Variants in OPCML observed in about 807,000 individuals in gnomAD.
OPCML encodes the protein opioid binding protein/cell adhesion molecule like.
OPCML carries 13 observed loss-of-function variants against 37.8 expected under a neutral mutation model. The observed-to-expected ratio is 0.34, with a 90% CI of 0.22 to 0.55. OPCML has a LOEUF of 0.55. Among genes scored for constraint, OPCML ranks in the 20% least tolerant of loss-of-function variants. The pLI is 0.91. For synonymous variants in OPCML, 176 were observed against 168.8 expected (o/e 1.04, Z -0.33); for missense variants, 341 against 435.6 (o/e 0.78, Z 1.93).
intron 2 of OPCML, among the ~76,000 whole-genome samples, chr11:132,823,062 T>C (rs921928167): frequency 1.3e-5 from 2 of 152,244 alleles, no homozygotes; most frequent in Admixed American, 6.5e-5. Flanking sequence ...TATTTCTTCA[T>C]AGATTATATT....
chr11:133,194,016 A>G (rs1178216455), intron 1 of OPCML, among the ~76,000 whole-genome samples: 1 of 152,178 alleles, frequency 6.6e-6, no homozygotes, highest in African/African-American at 2.4e-5. Flanking sequence ...GGATTCAGCA[A>G]CAGGCTCTGT....
At chr11:132,809,368 G>T (rs570226927) in intron 2 of OPCML, among the ~76,000 whole-genome samples, 1 of 152,226 alleles carries the variant, frequency 6.6e-6, no homozygotes, top group Admixed American at 6.5e-5. Flanking sequence ...ATACTCCAGG[G>T]CTGACTTAGG....
intron 1 of OPCML, among the ~76,000 whole-genome samples, chr11:133,291,146 C>G (rs920981641): frequency 6.6e-6 from 1 of 152,236 alleles, no homozygotes; most frequent in Non-Finnish European, 1.5e-5. Flanking sequence ...AGACAAAAAC[C>G]TGGGTTCTAA....
intron 3 of OPCML, among the ~76,000 whole-genome samples, chr11:132,551,196 C>T (rs774845874): frequency 3.9e-5 from 6 of 152,104 alleles, no homozygotes; most frequent in Non-Finnish European, 7.4e-5. Flanking sequence ...GTCTGTGCCC[C>T]GATGTGATTG....
chr11:132,915,883 C>T (rs1944586759), intron 2 of OPCML, among the ~76,000 whole-genome samples: 1 of 152,038 alleles, frequency 6.6e-6, no homozygotes, highest in Admixed American at 6.5e-5. Flanking sequence ...ATAAATATTG[C>T]TAATCATGTT....
At chr11:132,990,667 T>C (rs1433544285) in intron 1 of OPCML, among the ~76,000 whole-genome samples, 1 of 152,170 alleles carries the variant, frequency 6.6e-6, no homozygotes, top group Non-Finnish European at 1.5e-5. Context: ...AGACTAATAT[T>C]GATTGAATAC....
chr11:133,124,930 G>T (rs1949477142), intron 1 of OPCML, among the ~76,000 whole-genome samples: 1 of 152,158 alleles, frequency 6.6e-6, no homozygotes, highest in African/African-American at 2.4e-5. Flanking sequence ...CCAATGAGGA[G>T]TCACTTCTTT....
chr11:133,326,278 TGG>T (rs1943447101), intron 1 of OPCML, among the ~76,000 whole-genome samples: 2 of 75,358 alleles, frequency 2.7e-5, no homozygotes, highest in African/African-American at 6.9e-5. Flanking sequence ...TGTATGTGTG[TGG>T]GGGTGTGGGT....
chr11:132,579,949 G>C (rs7122289), intron 3 of OPCML, among the ~76,000 whole-genome samples: 71,738 of 152,046 alleles, frequency 0.47, 18,408 homozygotes, highest in Admixed American at 0.63. Flanking sequence ...CTGAAGTATA[G>C]AGCTTTACGC....
At chr11:133,356,574 A>C (rs916995065) in intron 1 of OPCML, among the ~76,000 whole-genome samples, 70 of 152,116 alleles carry the variant, frequency 4.6e-4, no homozygotes, top group Non-Finnish European at 9.4e-4. Flanking sequence ...CCCTTGTTTA[A>C]CTTGAGCCAA....
At chr11:132,828,313 A>C (rs1940484280) in intron 2 of OPCML, among the ~76,000 whole-genome samples, 1 of 152,206 alleles carries the variant, frequency 6.6e-6, no homozygotes, top group African/African-American at 2.4e-5. Context: ...CTACAACAAC[A>C]GATACATGTC....
chr11:132,956,181 G>T (rs1047372615), intron 1 of OPCML, among the ~76,000 whole-genome samples: 1 of 152,102 alleles, frequency 6.6e-6, no homozygotes, highest in Admixed American at 6.5e-5. Flanking sequence ...GAGTGATTCA[G>T]TTTGTTTTGT....
chr11:132,520,584 T>C (rs770859026), intron 4 of OPCML, among the ~76,000 whole-genome samples: 8 of 151,944 alleles, frequency 5.3e-5, no homozygotes, highest in Non-Finnish European at 1.0e-4. Flanking sequence ...TAATTGTCGA[T>C]CCACAGGAAG....
intron 1 of OPCML, chr11:133,118,158 T>A (rs1459575101): frequency 1.1e-6 from 1 of 876,626 alleles, no homozygotes; most frequent in Non-Finnish European, 1.4e-6. Context: ...CTTTTGAATA[T>A]GTCTCTAAAA....
chr11:133,001,441 T>C (rs10894637), intron 1 of OPCML, among the ~76,000 whole-genome samples: 122,236 of 152,202 alleles, frequency 0.8, 49,229 homozygotes, highest in East Asian at 0.86. Flanking sequence ...ATGTTTTTCA[T>C]CTGGATGCTA....
chr11:132,890,417 A>C (rs1943593511), intron 2 of OPCML, among the ~76,000 whole-genome samples: 3 of 152,212 alleles, frequency 2.0e-5, no homozygotes, highest in Non-Finnish European at 4.4e-5. Context: ...TGGAGACCGG[A>C]GAAGTGAAGA....
At chr11:133,155,559 C>G (rs1950047340) in intron 1 of OPCML, among the ~76,000 whole-genome samples, 1 of 152,080 alleles carries the variant, frequency 6.6e-6, no homozygotes. Context: ...CAAAGGCCCC[C>G]AAGCCTCCTT....
chr11:132,480,780 G>A (rs939882709), intron 4 of OPCML, among the ~76,000 whole-genome samples: 7 of 152,018 alleles, frequency 4.6e-5, no homozygotes, highest in African/African-American at 1.7e-4. Context: ...AGCTTCATAA[G>A]TGAAGGACAA....
chr11:133,197,199 C>T (rs553879828), intron 1 of OPCML, among the ~76,000 whole-genome samples: 8 of 152,262 alleles, frequency 5.3e-5, no homozygotes, highest in Non-Finnish European at 7.4e-5. Context: ...TCTTCCTTAC[C>T]GGCACCCTGA....
Sources: gnomAD v4.1 joint callset for allele counts (sites outside exome capture counted in the v4.1 genomes callset) on GRCh38, gnomAD v4.1.1 for gene constraint, MANE v1.5 for transcripts, NCBI Gene and HGNC (gene_info 2026-07-23, HGNC 2026-07-21) for gene names.